CDH13: variants seen among roughly 807,000 people sequenced by gnomAD.
CDH13 encodes cadherin-13.
In CDH13, 24 loss-of-function variants were observed where a neutral mutation model predicts 63.8. That is an observed-to-expected ratio of 0.38 (90% CI 0.27 to 0.53). The LOEUF is 0.53. Ranked by LOEUF, CDH13 falls within the 20% of genes least tolerant of loss-of-function variation. The pLI, the probability that CDH13 is intolerant of heterozygous loss-of-function variation, is 0.85. For missense variants in CDH13, 1,049 were observed against 903.1 expected, an observed-to-expected ratio of 1.16 and a Z score of -2.07; for synonymous variants, 503 against 355.3, an observed-to-expected ratio of 1.42 and a Z score of -4.67.
chr16:82,799,117 A>G, intron 1 of CDH13, among the ~76,000 whole-genome samples: 1 of 152,140 alleles, frequency 6.6e-6, no homozygotes, highest in Admixed American at 6.5e-5. Context: ...GGAGAAGTCA[A>G]TTATATATCC....
chr16:82,858,141 C>G (rs1204009652), intron 1 of CDH13, among the ~76,000 whole-genome samples: 2 of 152,162 alleles, frequency 1.3e-5, no homozygotes, highest in African/African-American at 4.8e-5. Flanking sequence ...TCTTTAACTG[C>G]AATTTAATGG....
intron 4 of CDH13, among the ~76,000 whole-genome samples, chr16:83,147,536 T>C (rs911554358): frequency 2.0e-5 from 3 of 152,220 alleles, no homozygotes; most frequent in African/African-American, 7.2e-5. Flanking sequence ...CTTTCACGAC[T>C]ATCTTATCAC....
At chr16:82,962,509 A>G (rs1004870414) in intron 2 of CDH13, among the ~76,000 whole-genome samples, 5 of 152,234 alleles carry the variant, frequency 3.3e-5, no homozygotes, top group African/African-American at 9.6e-5. Flanking sequence ...GCAAAATTCA[A>G]CAAAGCACAT....
chr16:82,783,474 A>G (rs1421442592), intron 1 of CDH13, among the ~76,000 whole-genome samples: 4 of 152,226 alleles, frequency 2.6e-5, no homozygotes, highest in African/African-American at 9.6e-5. Flanking sequence ...TTGGGCTGCA[A>G]GGACACAGAG....
chr16:83,468,553 T>C (rs1326768776), intron 6 of CDH13, among the ~76,000 whole-genome samples: 1 of 152,110 alleles, frequency 6.6e-6, no homozygotes, highest in Non-Finnish European at 1.5e-5. Context: ...GGTGAGCCAT[T>C]TGCATTAGCA....
chr16:83,578,612 C>T (rs995719924), intron 7 of CDH13, among the ~76,000 whole-genome samples: 1 of 152,146 alleles, frequency 6.6e-6, no homozygotes, highest in African/African-American at 2.4e-5. Context: ...GCATTGACTC[C>T]ACTGATGTTT....
At chr16:83,427,968 AG>A (rs1267778576) in intron 6 of CDH13, among the ~76,000 whole-genome samples, 28 of 152,242 alleles carry the variant, frequency 1.8e-4, no homozygotes, top group African/African-American at 5.8e-4. Context: ...GCGACAGAAA[AG>A]CCAGGGTGAT....
In CDH13 at chr16:82,689,392, C is replaced by T. The variant is rs879632707; in HGVS notation, c.45+62255C>T. ...GAAAGCCAATGTTATCATTTGGGTCCATTATTAAGACTATCATTATCATAG... is the reference window on the plus strand; with the variant it reads ...GAAAGCCAATGTTATCATTTGGGTCTATTATTAAGACTATCATTATCATAG... On this transcript the variant is annotated intron_variant, in intron 1 of 13. Coordinates refer to ENST00000567109, the MANE Select transcript of CDH13 (RefSeq NM_001257.5). Among the ~76,000 whole-genome samples the T allele has an allele frequency of 2.6e-5, 4 of 152,046 alleles. No individual in the cohort carries two copies. The East Asian group carries it at 7.7e-4, about 29-fold the overall frequency.
chr16:83,167,658 A>C (rs1443566407), intron 4 of CDH13, among the ~76,000 whole-genome samples: 2 of 151,736 alleles, frequency 1.3e-5, no homozygotes, highest in African/African-American at 2.4e-5. Context: ...TCTCGTATCA[A>C]TTCCATTTAA....
intron 2 of CDH13, among the ~76,000 whole-genome samples, chr16:82,987,962 C>G (rs1183123891): frequency 6.6e-6 from 1 of 152,204 alleles, no homozygotes; most frequent in Non-Finnish European, 1.5e-5. Context: ...AGTGCCTCGT[C>G]TCATTGTTTG....
intron 4 of CDH13, among the ~76,000 whole-genome samples, chr16:83,185,937 A>G (rs368778004): frequency 1.6e-3 from 246 of 152,258 alleles, no homozygotes; most frequent in South Asian, 7.9e-3. Flanking sequence ...CCGAAAACCA[A>G]TTATCATCCC....
chr16:82,647,435 G>A (rs1416114077), intron 1 of CDH13, among the ~76,000 whole-genome samples: 1 of 152,174 alleles, frequency 6.6e-6, no homozygotes. Flanking sequence ...CCAAGGGGAA[G>A]TGTAGAGGAG....
chr16:82,761,314 G>A (rs957001495), intron 1 of CDH13, among the ~76,000 whole-genome samples: 3 of 151,900 alleles, frequency 2.0e-5, no homozygotes, highest in South Asian at 2.1e-4. Flanking sequence ...CGCCATGCCC[G>A]GCACATTTCA....
intron 1 of CDH13, among the ~76,000 whole-genome samples, chr16:82,723,550 A>C (rs2032912981): frequency 6.6e-6 from 1 of 152,134 alleles, no homozygotes; most frequent in African/African-American, 2.4e-5. Context: ...TCTGTCTGCC[A>C]CCTGGAAGAA....
chr16:83,070,310 G>A (rs993009192), intron 3 of CDH13, among the ~76,000 whole-genome samples: 17 of 152,274 alleles, frequency 1.1e-4, no homozygotes, highest in African/African-American at 3.8e-4. Context: ...AGGGTGTTGG[G>A]TACGATGACC....
At chr16:83,691,881 T>G (rs1445528846) in intron 10 of CDH13, among the ~76,000 whole-genome samples, 1 of 152,192 alleles carries the variant, frequency 6.6e-6, no homozygotes, top group Non-Finnish European at 1.5e-5. Flanking sequence ...TGGCATTTAC[T>G]TTGTCCCAGG....
intron 1 of CDH13, among the ~76,000 whole-genome samples, chr16:82,701,110 C>A (rs1035167070): frequency 6.6e-6 from 1 of 152,130 alleles, no homozygotes; most frequent in Admixed American, 6.5e-5. Context: ...CATTACCATC[C>A]CCTCAATGTC....
intron 5 of CDH13, among the ~76,000 whole-genome samples, chr16:83,334,363 A>T (rs943891510): frequency 0.04 from 832 of 20,594 alleles, no homozygotes; most frequent in African/African-American, 0.08. Flanking sequence ...TCTCTCTCTC[A>T]CACACACACA....
intron 7 of CDH13, among the ~76,000 whole-genome samples, chr16:83,588,120 G>T (rs2150732140): frequency 6.6e-6 from 1 of 152,258 alleles, no homozygotes; most frequent in Admixed American, 6.5e-5. Context: ...GTGGAAAAGA[G>T]CCCAGCCCAT....
Sources: gnomAD v4.1 joint callset for allele counts (sites outside exome capture counted in the v4.1 genomes callset) on GRCh38, gnomAD v4.1.1 for gene constraint, MANE v1.5 for transcripts, NCBI Gene and HGNC (gene_info 2026-07-23, HGNC 2026-07-21) for gene names.